ATP10D: variants seen among roughly 807,000 people sequenced by gnomAD.
ATP10D encodes phospholipid-transporting ATPase VD.
Under a neutral mutation model 144.8 loss-of-function variants are expected in ATP10D, and 89 were observed. The observed-to-expected ratio is 0.61, with a 90% CI of 0.52 to 0.73. ATP10D has a LOEUF of 0.73. Among genes scored for constraint, ATP10D ranks in the 30% least tolerant of loss-of-function variants. ATP10D has a pLI of 0.00. For missense variants in ATP10D, 1,603 were observed against 1,714.8 expected (o/e 0.93, Z 1.15); for synonymous variants, 571 against 615.1 (o/e 0.93, Z 1.06).
intron 13 of ATP10D, among the ~76,000 whole-genome samples, chr4:47,559,459 CGTAA>C (rs779327776): frequency 8.6e-5 from 13 of 151,942 alleles, no homozygotes; most frequent in Non-Finnish European, 1.6e-4. Flanking sequence ...CTTATGTGCC[CGTAA>C]GTATTTATAT....
intron 19 of ATP10D, among the ~76,000 whole-genome samples, chr4:47,580,133 C>T (rs548835235): frequency 3.3e-5 from 5 of 152,236 alleles, no homozygotes; most frequent in South Asian, 2.1e-4. Flanking sequence ...TTAGTACTAC[C>T]GGCTGTATTT....
At chr4:47,588,614 C>T (rs973657704) in intron 22 of ATP10D, among the ~76,000 whole-genome samples, 11 of 152,144 alleles carry the variant, frequency 7.2e-5, no homozygotes, top group South Asian at 2.1e-4. Flanking sequence ...CTGTATCATA[C>T]GGCACAGTGG....
In ATP10D at chr4:47,536,127, A is replaced by T. The variant is rs551276328; in HGVS notation, c.1015+94A>T. On this transcript the variant is annotated intron_variant, in intron 7 of 22. Transcript: ENST00000273859. ...TATCTGTGAATATTTGACTTTGGTA[A>T]GGTGGATTTTGTCAGTAGTGTTTTA... is the stretch of plus-strand genomic sequence containing the variant. 726 of 1,447,932 alleles carry T rather than the reference A, an allele frequency of 5.0e-4. 3 individuals are homozygous for T. Among genetic ancestry groups the T allele is most frequent in the Middle Eastern group, 3.4e-3 (18 of 5,326 alleles). The allele number at this position is 1,447,932 out of a possible 1,614,324, so 89.7% of individuals were successfully genotyped here.
intron 1 of ATP10D, among the ~76,000 whole-genome samples, chr4:47,495,625 T>C (rs1157753646): frequency 6.6e-6 from 1 of 152,232 alleles, no homozygotes; most frequent in Non-Finnish European, 1.5e-5. Context: ...TCCATGTTTA[T>C]ATATTGTATA....
intron 17 of ATP10D, among the ~76,000 whole-genome samples, chr4:47,572,574 A>G (rs1720007877): frequency 6.6e-6 from 1 of 151,782 alleles, no homozygotes; most frequent in Non-Finnish European, 1.5e-5. Flanking sequence ...CAGGAGACCG[A>G]GGGAAAAAAA....
At chr4:47,540,423 A>G (rs1157558767) in intron 9 of ATP10D, among the ~76,000 whole-genome samples, 1 of 152,236 alleles carries the variant, frequency 6.6e-6, no homozygotes, top group Non-Finnish European at 1.5e-5. Context: ...GCAGAAACTC[A>G]GACCCCTCTT....
At chr4:47,487,187 C>A (rs1182904237) in intron 1 of ATP10D, among the ~76,000 whole-genome samples, 1 of 143,610 alleles carries the variant, frequency 7.0e-6, no homozygotes, top group African/African-American at 2.6e-5. Context: ...CGAGATCGGG[C>A]CATTGCACTC....
intron 15 of ATP10D, among the ~76,000 whole-genome samples, chr4:47,564,792 T>G (rs530632604): frequency 6.6e-6 from 1 of 152,166 alleles, no homozygotes; most frequent in Non-Finnish European, 1.5e-5. Context: ...CATTGTTTAT[T>G]TTTCTTGAAA....
intron 10 of ATP10D, among the ~76,000 whole-genome samples, chr4:47,548,119 G>A (rs1185624948): frequency 6.6e-6 from 1 of 151,828 alleles, no homozygotes; most frequent in Non-Finnish European, 1.5e-5. Flanking sequence ...AGAACATGTT[G>A]GCTCTTGTTT....
chr4:47,578,158 G>A (rs1481542999), intron 19 of ATP10D, among the ~76,000 whole-genome samples: 1 of 152,170 alleles, frequency 6.6e-6, no homozygotes, highest in Non-Finnish European at 1.5e-5. Context: ...TTCCCAGCAT[G>A]TAGCTATTGA....
At chr4:47,491,468 G>T in intron 1 of ATP10D, 1 of 687,852 alleles carries the variant, frequency 1.5e-6, no homozygotes, top group Non-Finnish European at 2.7e-6. Flanking sequence ...TCATTTTGGC[G>T]AATTACTGGA....
At chr4:47,495,137 A>G (rs767035823) in intron 1 of ATP10D, among the ~76,000 whole-genome samples, 2 of 152,232 alleles carry the variant, frequency 1.3e-5, no homozygotes, top group Non-Finnish European at 2.9e-5. Flanking sequence ...AAGCTTATAC[A>G]CTAAACTATG....
chr4:47,545,964 A>G lies in ATP10D; in HGVS notation c.1397-660A>G, dbSNP rs1023068128. Among the ~76,000 whole-genome samples, 6 of 152,194 alleles carry G rather than the reference A, an allele frequency of 3.9e-5. No homozygotes were observed. The East Asian group carries it at 1.2e-3, about 29-fold the overall frequency. ...GAAGGTGCTTCTGCAGCTCTCCAGTATTTGAGGACTAAAAAGAAGAGACAG... is the reference window on the plus strand; with the variant it reads ...GAAGGTGCTTCTGCAGCTCTCCAGTGTTTGAGGACTAAAAAGAAGAGACAG... On this transcript the variant is annotated intron_variant, in intron 9 of 22. Coordinates refer to ENST00000273859, the MANE Select transcript of ATP10D (RefSeq NM_020453.4).
rs139239768 is a variant in ATP10D, at chr4:47,541,408, G to A, written c.1396+4470G>A. Among the ~76,000 whole-genome samples, 295 of 152,278 alleles carry A rather than the reference G, an allele frequency of 1.9e-3. 1 individual carries two copies. The highest frequency in any genetic ancestry group is 3.5e-3 in the Non-Finnish European group (235 of 68,008). ...GCAGTCAGTATTGGAGGTGGATTTT[G>A]CACTGATTAAGGCTTGGGATGTTGA... On this transcript the variant is annotated intron_variant, in intron 9 of 22. Coordinates refer to ENST00000273859, the MANE Select transcript of ATP10D (RefSeq NM_020453.4).
At chr4:47,541,972 C>CATGT (rs1718156033) in intron 9 of ATP10D, among the ~76,000 whole-genome samples, 1 of 151,994 alleles carries the variant, frequency 6.6e-6, no homozygotes, top group African/African-American at 2.4e-5. Flanking sequence ...TTGAGGCATT[C>CATGT]ATGTAACTAT....
intron 10 of ATP10D, among the ~76,000 whole-genome samples, chr4:47,553,273 G>A (rs1334374286): frequency 1.3e-5 from 2 of 152,220 alleles, no homozygotes; most frequent in African/African-American, 4.8e-5. Context: ...ATATATGTGA[G>A]ACTCATGAGA....
In ATP10D at chr4:47,546,661, A is replaced by G. The variant is rs1044450273; in HGVS notation, c.1434A>G (p.Glu478=). ...AGTCCTATCAGGAAGCTGTCTCTGA[A>G]GATGAAGATTTTATAGACACAGTCA... ...RLESYQEAVS[E]DEDFIDTVSG... Residue 478 remains glutamate, a synonymous_variant, in exon 10 of 23, where the codon GAA becomes GAG. Transcript: ENST00000273859. The G allele has an allele frequency of 1.2e-6, 2 of 1,613,960 alleles. No individual in the cohort carries two copies. The highest frequency in any genetic ancestry group is 1.7e-5 in the Admixed American group (1 of 60,010).
At chr4:47,578,606 A>C (rs1241748285) in intron 19 of ATP10D, 2 of 152,118 alleles carry the variant, frequency 1.3e-5, no homozygotes. Flanking sequence ...CCCCAGATGC[A>C]TGAAGTTATA....
At chr4:47,491,673 T>G (rs1275591214) in intron 1 of ATP10D, among the ~76,000 whole-genome samples, 1 of 152,220 alleles carries the variant, frequency 6.6e-6, no homozygotes, top group Non-Finnish European at 1.5e-5. Context: ...TGCTGCCATA[T>G]TGAACTACTC....
Sources: allele counts gnomAD v4.1 joint callset (sites outside exome capture counted in the v4.1 genomes callset), GRCh38; gene constraint gnomAD v4.1.1; transcripts MANE v1.5; gene names NCBI Gene and HGNC (gene_info 2026-07-23, HGNC 2026-07-21).